Variants in BRINP3 observed in about 807,000 individuals in gnomAD.
BRINP3 encodes BMP/retinoic acid-inducible neural-specific protein 3.
Under a neutral mutation model 71.0 loss-of-function variants are expected in BRINP3, and 19 were observed. The observed-to-expected ratio is 0.27, with a 90% CI of 0.19 to 0.39. The LOEUF is 0.39. Ranked by LOEUF, BRINP3 falls within the 10% of genes least tolerant of loss-of-function variation. The pLI, the probability that BRINP3 is intolerant of heterozygous loss-of-function variation, is 1.00. For missense variants in BRINP3, 959 were observed against 940.8 expected (o/e 1.02, Z -0.25); for synonymous variants, 380 against 337.7 (o/e 1.13, Z -1.37).
chr1:190,301,164 T>C (rs866989545), intron 2 of BRINP3, among the ~76,000 whole-genome samples: 26 of 67,182 alleles, frequency 3.9e-4, no homozygotes, highest in Admixed American at 2.6e-3. Flanking sequence ...CATATATATA[T>C]ACATATATAT....
chr1:190,476,136 G>A (rs1445992709), intron 1 of BRINP3, among the ~76,000 whole-genome samples: 1 of 151,874 alleles, frequency 6.6e-6, no homozygotes, highest in African/African-American at 2.4e-5. Flanking sequence ...GGGCGACGCT[G>A]CAGCTGGAGT....
intron 2 of BRINP3, among the ~76,000 whole-genome samples, chr1:190,379,409 A>G (rs1670377123): frequency 6.6e-6 from 1 of 152,136 alleles, no homozygotes; most frequent in African/African-American, 2.4e-5. Flanking sequence ...CAAAGTAATT[A>G]CAGCTTGAGA....
At chr1:190,105,883 T>G (rs1248129761) in intron 7 of BRINP3, among the ~76,000 whole-genome samples, 1 of 151,668 alleles carries the variant, frequency 6.6e-6, no homozygotes, top group East Asian at 1.9e-4. Context: ...GAAACATGAG[T>G]CACACAAAGA....
intron 4 of BRINP3, among the ~76,000 whole-genome samples, chr1:190,252,852 T>C (rs1027585463): frequency 4.6e-5 from 7 of 152,206 alleles, no homozygotes; most frequent in South Asian, 4.2e-4. Context: ...TACTTAGGTA[T>C]ACATGTGCCA....
At chr1:190,236,723 T>C (rs1271643377) in intron 4 of BRINP3, among the ~76,000 whole-genome samples, 4 of 151,996 alleles carry the variant, frequency 2.6e-5, no homozygotes, top group East Asian at 3.9e-4. Context: ...GATATGTGTA[T>C]GTATAATTAA....
chr1:190,278,861 A>AC (rs922637754), intron 3 of BRINP3, among the ~76,000 whole-genome samples: 19 of 151,490 alleles, frequency 1.3e-4, no homozygotes, highest in African/African-American at 4.6e-4. Context: ...CATGGTGTAT[A>AC]CAAAAAAAAA....
chr1:190,155,542 G>A (rs1173314217), intron 7 of BRINP3, among the ~76,000 whole-genome samples: 1 of 152,062 alleles, frequency 6.6e-6, no homozygotes, highest in East Asian at 1.9e-4. Flanking sequence ...GTGAATGGCA[G>A]CACAACATAG....
intron 6 of BRINP3, among the ~76,000 whole-genome samples, chr1:190,214,431 T>A (rs936193037): frequency 1.3e-5 from 2 of 152,024 alleles, no homozygotes; most frequent in African/African-American, 4.8e-5. Flanking sequence ...GCGTCCTGCA[T>A]CTGGGAAGAG....
chr1:190,161,078 A>ACC (rs1430704043), intron 6 of BRINP3, among the ~76,000 whole-genome samples, 188 bp from the exon 7 acceptor site: 1 of 152,154 alleles, frequency 6.6e-6, no homozygotes, highest in African/African-American at 2.4e-5. Context: ...CTTTAGAATT[A>ACC]TCTTCTTTGC....
chr1:190,203,532 A>G (rs1260206079), intron 6 of BRINP3, among the ~76,000 whole-genome samples: 1 of 149,134 alleles, frequency 6.7e-6, no homozygotes, highest in African/African-American at 2.5e-5. Flanking sequence ...ATGTCTCTAT[A>G]GCCCTCTATG....
intron 3 of BRINP3, among the ~76,000 whole-genome samples, chr1:190,274,571 A>T (rs1321627910): frequency 1.3e-5 from 2 of 151,672 alleles, no homozygotes; most frequent in Non-Finnish European, 3.0e-5. Context: ...CTTTTGATGT[A>T]GCCTTTTGCC....
At chr1:190,207,626 A>T (rs1655624393) in intron 6 of BRINP3, among the ~76,000 whole-genome samples, 1 of 152,148 alleles carries the variant, frequency 6.6e-6, no homozygotes, top group South Asian at 2.1e-4. Context: ...AGAATGGAGA[A>T]GGTCGAAAGG....
intron 2 of BRINP3, among the ~76,000 whole-genome samples, chr1:190,376,437 T>C (rs998737380): frequency 3.9e-5 from 6 of 152,052 alleles, no homozygotes; most frequent in African/African-American, 2.4e-5. Flanking sequence ...TGCCTACTTA[T>C]TTATAACTGG....
Position 190,144,470 on chromosome 1 carries a change from C to T in BRINP3, c.1184+16198G>A, listed in dbSNP as rs78615615. 4.9e-3 allele frequency among the ~76,000 whole-genome samples: 743 copies of T among 151,880 alleles called. 6 individuals are homozygous for T. The highest frequency in any genetic ancestry group is 0.017 in the African/African-American group (700 of 41,434). Reference sequence around the variant, plus strand: ...CCTACAGAAATTTCAACCCATTGTGCTGTAGCCTTTCCTCTAGGTGGTCAT... The same window carrying T: ...CCTACAGAAATTTCAACCCATTGTGTTGTAGCCTTTCCTCTAGGTGGTCAT... On this transcript the variant is annotated intron_variant, in intron 7 of 7. Transcript: ENST00000367462.
rs144853875 is a variant in BRINP3 at position 190,305,943 on chromosome 1, G to T, written c.237-24193C>A. 5.4e-3 allele frequency among the ~76,000 whole-genome samples: 827 copies of T among 151,838 alleles called. 5 individuals are homozygous for T. The highest frequency in any genetic ancestry group is 0.018 in the African/African-American group (757 of 41,462). Reference sequence around the variant, plus strand: ...TATGTGTTAATCATAAATTAACGAAGAAAAATATTTTATACTATATGTCCT... The same window carrying T: ...TATGTGTTAATCATAAATTAACGAATAAAAATATTTTATACTATATGTCCT... On this transcript the variant is annotated intron_variant, in intron 2 of 7. Coordinates refer to ENST00000367462, the MANE Select transcript of BRINP3 (RefSeq NM_199051.3).
chr1:190,265,774 CATAGA>C (rs1048629600), intron 3 of BRINP3, among the ~76,000 whole-genome samples: 1 of 151,728 alleles, frequency 6.6e-6, no homozygotes, highest in African/African-American at 2.4e-5. Context: ...AAATTTTTAC[CATAGA>C]ATAGAATATC....
chr1:190,186,619 G>C (rs1653551888), intron 6 of BRINP3, among the ~76,000 whole-genome samples: 1 of 152,172 alleles, frequency 6.6e-6, no homozygotes, highest in African/African-American at 2.4e-5. Flanking sequence ...GACTTAGCCT[G>C]AGTGCCTTTC....
chr1:190,473,967 G>A (rs1204311234), intron 1 of BRINP3, among the ~76,000 whole-genome samples: 1 of 150,796 alleles, frequency 6.6e-6, no homozygotes, highest in Non-Finnish European at 1.5e-5. Flanking sequence ...CAGTTCTCTC[G>A]AGTAGTCAGA....
At position 190,256,331 on chromosome 1, in the gene BRINP3, C is replaced by A. The variant is rs1324819680; in HGVS notation, c.618+8534G>T. Among the ~76,000 whole-genome samples the A allele has an allele frequency of 2.0e-5, 3 of 151,692 alleles. No individual in the cohort carries two copies. The East Asian group carries it at 5.8e-4, about 29-fold the overall frequency. ...TGCAACCCCTGCTTTTTTTTGCTTT[C>A]CATTTGCTTGGTAGATCTTCCTCCA... is the stretch of plus-strand genomic sequence containing the variant. On this transcript the variant is annotated intron_variant, in intron 4 of 7. Transcript: ENST00000367462.
Sources: allele counts gnomAD v4.1 joint callset (sites outside exome capture counted in the v4.1 genomes callset), GRCh38; gene constraint gnomAD v4.1.1; transcripts MANE v1.5; gene names NCBI Gene and HGNC (gene_info 2026-07-23, HGNC 2026-07-21).